LINGO2: variants seen among roughly 807,000 people sequenced by gnomAD.
The protein encoded by LINGO2 is leucine-rich repeat and immunoglobulin-like domain-containing nogo receptor-interacting protein 2.
A neutral mutation model predicts 30.6 loss-of-function variants in LINGO2; 14 were observed. That is an observed-to-expected ratio of 0.46 (90% CI 0.30 to 0.72). The LOEUF (loss-of-function observed/expected upper bound fraction) is 0.72. Ranked by LOEUF, LINGO2 falls within the 30% of genes least tolerant of loss-of-function variation. The pLI is 0.07. For synonymous variants in LINGO2, 317 were observed against 288.5 expected, an observed-to-expected ratio of 1.10 and a Z score of -1.00; for missense variants, 729 against 751.7, an observed-to-expected ratio of 0.97 and a Z score of 0.35.
the LINGO2 span, among the ~76,000 whole-genome samples, chr9:28,979,252 A>G: frequency 1.3e-5 from 2 of 152,156 alleles, no homozygotes; most frequent in South Asian, 4.1e-4. Flanking sequence ...ATTTCTTAAC[A>G]TTAGCACCAA....
chr9:28,551,493 C>G (rs1822280203), intron 1 of LINGO2, among the ~76,000 whole-genome samples: 1 of 151,820 alleles, frequency 6.6e-6, no homozygotes, highest in Non-Finnish European at 1.5e-5. Flanking sequence ...TTCCAGTGTT[C>G]TAAAATAACA....
chr9:28,437,078 T>C (rs1386393006), intron 2 of LINGO2, among the ~76,000 whole-genome samples: 1 of 152,202 alleles, frequency 6.6e-6, no homozygotes, highest in Non-Finnish European at 1.5e-5. Context: ...TAAAGCATTA[T>C]ATCCAGATGT....
chr9:28,238,831 G>T (rs199517743), intron 4 of LINGO2, among the ~76,000 whole-genome samples: 1 of 100,504 alleles, frequency 9.9e-6, no homozygotes, highest in Non-Finnish European at 2.1e-5. Context: ...ATAAATAACA[G>T]ATAAATGAAA....
chr9:29,124,527 A>G, the LINGO2 span, among the ~76,000 whole-genome samples: 1 of 152,212 alleles, frequency 6.6e-6, no homozygotes, highest in African/African-American at 2.4e-5. Flanking sequence ...ACAAAGGGCT[A>G]ATATCCAGAA....
intron 4 of LINGO2, among the ~76,000 whole-genome samples, chr9:28,209,678 T>C (rs1307356381): frequency 6.6e-6 from 1 of 151,820 alleles, no homozygotes; most frequent in East Asian, 1.9e-4. Flanking sequence ...TGTATAAGTA[T>C]ATGGTTAAAA....
At chr9:28,562,324 A>G (rs570838041) in intron 1 of LINGO2, among the ~76,000 whole-genome samples, 2 of 152,040 alleles carry the variant, frequency 1.3e-5, no homozygotes, top group South Asian at 4.2e-4. Flanking sequence ...TCAGTGAGCT[A>G]AGGCTTTCCT....
chr9:28,452,182 T>A (rs1587693898), intron 2 of LINGO2, among the ~76,000 whole-genome samples: 1 of 151,806 alleles, frequency 6.6e-6, no homozygotes, highest in African/African-American at 2.4e-5. Flanking sequence ...ATATGTAAAC[T>A]AAGTCAATAT....
chr9:28,963,553 C>CACACACAA, the LINGO2 span, among the ~76,000 whole-genome samples: 2 of 150,944 alleles, frequency 1.3e-5, no homozygotes, highest in African/African-American at 2.4e-5. Flanking sequence ...TACACACACA[C>CACACACAA]ACACACACAC....
chr9:28,891,706 C>A, the LINGO2 span, among the ~76,000 whole-genome samples: 2,678 of 151,910 alleles, frequency 0.018, 41 homozygotes, highest in Non-Finnish European at 0.028. Flanking sequence ...ATCTTTATAG[C>A]TCTTTGACAA....
the LINGO2 span, among the ~76,000 whole-genome samples, chr9:28,973,217 A>C: frequency 6.6e-6 from 1 of 152,292 alleles, no homozygotes; most frequent in African/African-American, 2.4e-5. Flanking sequence ...ACCAAAGAAG[A>C]CTACCTCAAG....
the LINGO2 span, among the ~76,000 whole-genome samples, chr9:28,810,441 C>T: frequency 2.6e-5 from 4 of 152,042 alleles, no homozygotes; most frequent in Non-Finnish European, 2.9e-5. Context: ...ATGTTTACAG[C>T]AGGGATTGTA....
At chr9:29,097,262 T>C in the LINGO2 span, among the ~76,000 whole-genome samples, 1 of 138,452 alleles carries the variant, frequency 7.2e-6, no homozygotes, top group Admixed American at 7.4e-5. Context: ...ACAGAACATA[T>C]AAGTAAATAG....
At chr9:28,214,975 T>A (rs1040508706) in intron 4 of LINGO2, among the ~76,000 whole-genome samples, 1 of 151,736 alleles carries the variant, frequency 6.6e-6, no homozygotes, top group Non-Finnish European at 1.5e-5. Context: ...GTTCTGTACA[T>A]CCTTCTTGTT....
At chr9:28,286,698 C>G (rs1388211057) in intron 4 of LINGO2, among the ~76,000 whole-genome samples, 2 of 152,124 alleles carry the variant, frequency 1.3e-5, no homozygotes, top group African/African-American at 4.8e-5. Context: ...CCTTAGCAAA[C>G]TAACACAGGA....
At chr9:28,271,043 T>C (rs530355226) in intron 4 of LINGO2, among the ~76,000 whole-genome samples, 2 of 152,202 alleles carry the variant, frequency 1.3e-5, no homozygotes, top group Non-Finnish European at 2.9e-5. Context: ...CATTCTTTCC[T>C]ATCATCAGTT....
chr9:29,050,464 G>A, the LINGO2 span, among the ~76,000 whole-genome samples: 1 of 152,196 alleles, frequency 6.6e-6, no homozygotes, highest in South Asian at 2.1e-4. Flanking sequence ...ATATGTATCT[G>A]TTGATTTTAT....
the LINGO2 span, among the ~76,000 whole-genome samples, chr9:28,942,830 C>T: frequency 6.6e-5 from 10 of 152,102 alleles, no homozygotes; most frequent in Admixed American, 1.3e-4. Flanking sequence ...CTCTCCCTTC[C>T]CTAAAATAAT....
rs1359281163 is a variant in LINGO2 at position 27,960,810 on chromosome 9, GCTGT to G, written c.-35-10108_-35-10105del. Reference sequence around the variant, plus strand: ...ATTTAGGGATGTCATTTTGCTATTTGCTGTCTATTTGTCCCTTGCATTTTTTGTT... The same window carrying G: ...ATTTAGGGATGTCATTTTGCTATTTGCTATTTGTCCCTTGCATTTTTTGTT... On this transcript the variant is annotated intron_variant, in intron 5 of 5. Coordinates refer to ENST00000379992, the Ensembl canonical transcript of LINGO2. 2.9e-4 allele frequency among the ~76,000 whole-genome samples: 44 copies of G among 151,894 alleles called. 1 individual carries two copies. Among genetic ancestry groups the G allele is most frequent in the Admixed American group, 2.8e-3 (42 of 15,244 alleles).
chr9:28,672,837 A>T (rs1829074064), upstream of LINGO2, among the ~76,000 whole-genome samples: 1 of 152,144 alleles, frequency 6.6e-6, no homozygotes, highest in Non-Finnish European at 1.5e-5. Context: ...AGAAATGTAC[A>T]TTTTATTTAC....
Sources: gnomAD v4.1 joint callset for allele counts (sites outside exome capture counted in the v4.1 genomes callset) on GRCh38, gnomAD v4.1.1 for gene constraint, MANE v1.5 for transcripts, NCBI Gene and HGNC (gene_info 2026-07-23, HGNC 2026-07-21) for gene names.